Variants in SBF2 observed in about 807,000 individuals in gnomAD.
SBF2 encodes the protein myotubularin-related protein 13.
A neutral mutation model predicts 225.2 loss-of-function variants in SBF2; 112 were observed. The observed-to-expected ratio is 0.50, with a 90% confidence interval of 0.43 to 0.58. The LOEUF (loss-of-function observed/expected upper bound fraction) is 0.58, where lower values mean the gene tolerates loss of function less well. Ranked by LOEUF, SBF2 falls within the 20% of genes least tolerant of loss-of-function variation. The pLI, the probability that SBF2 is intolerant of heterozygous loss-of-function variation, is 0.00. For missense variants in SBF2, 1,996 were observed against 2,206.2 expected, an observed-to-expected ratio of 0.90 and a Z score of 1.91; for synonymous variants, 763 against 773.3, an observed-to-expected ratio of 0.99 and a Z score of 0.22.
intron 17 of SBF2, among the ~76,000 whole-genome samples, chr11:9,869,991 C>A (rs1295358228): frequency 2.0e-5 from 3 of 152,128 alleles, no homozygotes; most frequent in Admixed American, 6.5e-5. Context: ...AGCTGATAAG[C>A]AACTTCAGCG....
Position 10,132,524 on chromosome 11 carries a change from T to A in SBF2, c.141+61378A>T, listed in dbSNP as rs1954109918. 1.3e-5 allele frequency among the ~76,000 whole-genome samples: 2 copies of A among 148,220 alleles called. 1 individual carries two copies. The highest frequency in any genetic ancestry group is 1.4e-4 in the Admixed American group (2 of 14,560). On this transcript the variant is annotated intron_variant, in intron 2 of 39. Coordinates refer to ENST00000256190, the MANE Select transcript of SBF2 (RefSeq NM_030962.4). ...AGCTGCAGACCTTCGCGGTGAGTGTTACAGCTCTTAAGGCAGCGCGTCTGG... is the reference window on the plus strand; with the variant it reads ...AGCTGCAGACCTTCGCGGTGAGTGTAACAGCTCTTAAGGCAGCGCGTCTGG...
chr11:9,896,148 G>A, intron 16 of SBF2, 137 bp from the exon 17 acceptor site: 1 of 727,362 alleles, frequency 1.4e-6, no homozygotes. Context: ...ACCTGACGGA[G>A]GGGTTTGTAC....
chr11:9,849,808 T>C (rs891376733), intron 22 of SBF2, among the ~76,000 whole-genome samples: 1 of 152,232 alleles, frequency 6.6e-6, no homozygotes, highest in Non-Finnish European at 1.5e-5. Flanking sequence ...GAACCCTTGA[T>C]TTATTGTTTA....
At chr11:9,800,700 CCTGG>C (rs1853441723) in intron 32 of SBF2, among the ~76,000 whole-genome samples, 1 of 151,916 alleles carries the variant, frequency 6.6e-6, no homozygotes, top group Non-Finnish European at 1.5e-5. Context: ...AGCCACCGTG[CCTGG>C]CCAAAAAAAG....
chr11:9,805,778 A>T (rs2133892197), intron 32 of SBF2, among the ~76,000 whole-genome samples: 1 of 152,172 alleles, frequency 6.6e-6, no homozygotes. Flanking sequence ...GTGCGCCCCC[A>T]CGTCTGGCTG....
chr11:9,859,557 T>A (rs1439480462), intron 17 of SBF2, among the ~76,000 whole-genome samples: 1 of 152,248 alleles, frequency 6.6e-6, no homozygotes, highest in Non-Finnish European at 1.5e-5. Context: ...TCATCTGTTT[T>A]CTGTGAGTAG....
At chr11:10,116,858 G>C (rs980053744) in intron 2 of SBF2, among the ~76,000 whole-genome samples, 6 of 152,156 alleles carry the variant, frequency 3.9e-5, no homozygotes, top group African/African-American at 1.2e-4. Context: ...TTTATAGCTA[G>C]AGACATTGTT....
intron 26 of SBF2, 69 bp downstream of exon 26, chr11:9,839,429 G>C (rs1022347887): frequency 1.1e-5 from 15 of 1,428,510 alleles, no homozygotes; most frequent in Middle Eastern, 1.8e-4. Flanking sequence ...GGATGCAAAT[G>C]GCCTATTAAA....
At chr11:9,828,105 T>C (rs1019307411) in intron 28 of SBF2, 17 of 1,270,180 alleles carry the variant, frequency 1.3e-5, no homozygotes, top group Non-Finnish European at 1.6e-5. Flanking sequence ...AGTGCTCAGT[T>C]ATAAAATCAA....
intron 24 of SBF2, among the ~76,000 whole-genome samples, chr11:9,843,285 T>C (rs1856295896): frequency 6.6e-6 from 1 of 152,262 alleles, no homozygotes; most frequent in African/African-American, 2.4e-5. Context: ...TAAGTGTGTA[T>C]ATGTGATGTC....
chr11:10,131,266 C>T (rs1236846866), intron 2 of SBF2, among the ~76,000 whole-genome samples: 2 of 151,462 alleles, frequency 1.3e-5, no homozygotes, highest in Non-Finnish European at 2.9e-5. Context: ...GGCTCTGTTG[C>T]CCAGGCTGGA....
At chr11:10,190,875 C>T (rs764464766) in intron 2 of SBF2, among the ~76,000 whole-genome samples, 1 of 152,170 alleles carries the variant, frequency 6.6e-6, no homozygotes, top group Admixed American at 6.5e-5. Flanking sequence ...CACTAAAATG[C>T]TAACCACAGC....
chr11:10,265,431 TG>T (rs1961881436), intron 1 of SBF2, among the ~76,000 whole-genome samples: 1 of 146,772 alleles, frequency 6.8e-6, no homozygotes, highest in East Asian at 2.1e-4. Flanking sequence ...TTGATGGGGT[TG>T]TTTTTTTCTT....
intron 16 of SBF2, among the ~76,000 whole-genome samples, chr11:9,908,630 A>C (rs55813311): frequency 0.37 from 55,559 of 151,928 alleles, 11,042 homozygotes; most frequent in African/African-American, 0.53. Flanking sequence ...CCGTCTCAAA[A>C]AAAAAAAGTC....
At chr11:10,178,851 C>A (rs981139809) in intron 2 of SBF2, among the ~76,000 whole-genome samples, 57 of 149,348 alleles carry the variant, frequency 3.8e-4, no homozygotes, top group African/African-American at 1.4e-3. Flanking sequence ...TGGGTATATA[C>A]CCAAAGGACT....
At chr11:10,131,077 T>C (rs1019362710) in intron 2 of SBF2, among the ~76,000 whole-genome samples, 3 of 152,190 alleles carry the variant, frequency 2.0e-5, no homozygotes, top group African/African-American at 7.2e-5. Context: ...TGGTTAAGTG[T>C]ATAGTTAGCA....
At chr11:10,250,150 G>A (rs1428324942) in intron 1 of SBF2, among the ~76,000 whole-genome samples, 3 of 152,024 alleles carry the variant, frequency 2.0e-5, no homozygotes, top group Non-Finnish European at 4.4e-5. Context: ...GCTAACCCAA[G>A]CAGAACCAAA....
intron 6 of SBF2, among the ~76,000 whole-genome samples, chr11:10,019,284 G>A (rs1365081910): frequency 6.6e-6 from 1 of 152,174 alleles, no homozygotes; most frequent in Non-Finnish European, 1.5e-5. Context: ...AACAGTTTTC[G>A]TTAGAGATCC....
intron 16 of SBF2, among the ~76,000 whole-genome samples, chr11:9,931,004 G>C (rs1170418449): frequency 6.6e-6 from 1 of 152,264 alleles, no homozygotes; most frequent in Admixed American, 6.5e-5. Context: ...CTGCAAGCTA[G>C]CACAGCAGTC....
Sources: gnomAD v4.1 joint callset for allele counts (sites outside exome capture counted in the v4.1 genomes callset) on GRCh38, gnomAD v4.1.1 for gene constraint, MANE v1.5 for transcripts, NCBI Gene and HGNC (gene_info 2026-07-23, HGNC 2026-07-21) for gene names.